Variants in CSMD2 observed in about 807,000 individuals in gnomAD.
CSMD2 encodes the protein CUB and sushi domain-containing protein 2.
Under a neutral mutation model 398.5 loss-of-function variants are expected in CSMD2, and 130 were observed. The observed-to-expected ratio is 0.33, with a 90% CI of 0.28 to 0.38. The LOEUF is 0.38. Among genes scored for constraint, CSMD2 ranks in the 10% least tolerant of loss-of-function variants. The probability of loss-of-function intolerance (pLI) is 1.00; values close to 1 mark genes in which losing one functional copy is unlikely to be tolerated. For missense variants in CSMD2, 3,829 were observed against 4,764.9 expected, an observed-to-expected ratio of 0.80 and a Z score of 5.78; for synonymous variants, 1,828 against 1,908.5, an observed-to-expected ratio of 0.96 and a Z score of 1.10.
At chr1:33,747,527 G>C (rs2149264614) in intron 13 of CSMD2, among the ~76,000 whole-genome samples, 1 of 152,224 alleles carries the variant, frequency 6.6e-6, no homozygotes. Flanking sequence ...ATTACCAAAG[G>C]GGAAAAAGCA....
At chr1:34,046,380 T>A (rs957120634) in intron 2 of CSMD2, among the ~76,000 whole-genome samples, 59 of 152,360 alleles carry the variant, frequency 3.9e-4, no homozygotes, top group East Asian at 5.8e-4. Context: ...TAAATACTTA[T>A]TCAGTTATTT....
intron 25 of CSMD2, among the ~76,000 whole-genome samples, chr1:33,666,325 A>G (rs1427200295): frequency 6.6e-6 from 1 of 152,168 alleles, no homozygotes; most frequent in Non-Finnish European, 1.5e-5. Flanking sequence ...TGATATCTTT[A>G]TGTTACTAAT....
At chr1:33,666,209 T>C (rs903209046) in intron 25 of CSMD2, among the ~76,000 whole-genome samples, 2 of 152,122 alleles carry the variant, frequency 1.3e-5, no homozygotes, top group African/African-American at 4.8e-5. Context: ...CTTACTAATT[T>C]CCCAAATTTA....
intron 2 of CSMD2, among the ~76,000 whole-genome samples, chr1:34,035,974 A>C (rs942814418): frequency 1.3e-5 from 2 of 152,230 alleles, no homozygotes; most frequent in Non-Finnish European, 2.9e-5. Context: ...ATATTACTAC[A>C]TACCCATTGG....
intron 6 of CSMD2, among the ~76,000 whole-genome samples, chr1:33,829,392 T>G (rs1473116308): frequency 6.6e-6 from 1 of 152,226 alleles, no homozygotes; most frequent in African/African-American, 2.4e-5. Flanking sequence ...CAAATGACTT[T>G]CCTTTTTTTA....
chr1:33,828,295 T>G (rs981022812), intron 6 of CSMD2, among the ~76,000 whole-genome samples: 1 of 152,220 alleles, frequency 6.6e-6, no homozygotes, highest in African/African-American at 2.4e-5. Flanking sequence ...GGCAGGGGGA[T>G]AGCCCTCTGA....
At chr1:33,994,337 A>G (rs1225935742) in intron 3 of CSMD2, among the ~76,000 whole-genome samples, 1 of 151,914 alleles carries the variant, frequency 6.6e-6, no homozygotes, top group Non-Finnish European at 1.5e-5. Context: ...TTGAGCTGGG[A>G]AGGCCTGTCT....
chr1:33,882,498 T>TA (rs1641304004), intron 5 of CSMD2, among the ~76,000 whole-genome samples: 1 of 152,232 alleles, frequency 6.6e-6, no homozygotes, highest in Admixed American at 6.5e-5. Context: ...TATTGACTGT[T>TA]AATCCTTTGT....
chr1:33,825,962 T>C lies in CSMD2; in HGVS notation c.1034-188A>G, dbSNP rs547433551. 2.6e-5 allele frequency among the ~76,000 whole-genome samples: 4 copies of C among 152,248 alleles called. No homozygotes were observed. The South Asian group carries it at 8.3e-4, about 32-fold the overall frequency. Reference sequence around the variant, plus strand: ...AGGACCTCAGACATGAAGGAAAAGTTACTATCAAGGCTAGCCCTCTGAGGG... The same window carrying C: ...AGGACCTCAGACATGAAGGAAAAGTCACTATCAAGGCTAGCCCTCTGAGGG... On this transcript the variant is annotated intron_variant, in intron 6 of 70. Coordinates refer to ENST00000373381, the MANE Select transcript of CSMD2 (RefSeq NM_001281956.2).
chr1:34,108,231 A>C (rs1293546157), intron 1 of CSMD2, among the ~76,000 whole-genome samples: 1 of 151,842 alleles, frequency 6.6e-6, no homozygotes, highest in Non-Finnish European at 1.5e-5. Context: ...TTGAAAATTA[A>C]TTTTAAAAAT....
At position 33,602,483 on chromosome 1, in the gene CSMD2, G is replaced by T. The variant is rs780546609; in HGVS notation, c.6596C>A (p.Pro2199Gln). 1 of 1,613,542 alleles carries T rather than the reference G, an allele frequency of 6.2e-7. No homozygotes were observed. The highest frequency in any genetic ancestry group is 1.7e-5 in the Admixed American group (1 of 59,962). Residue 2199 changes from proline to glutamine, a missense_variant, in exon 43 of 71, where the codon CCG (proline) becomes CAG (glutamine). Physicochemically the swap from Pro to Gln is moderately conservative, Grantham distance 76. Around this residue, in one of 5 missense-constraint regions of CSMD2, gnomAD observed 723 missense variants for 758.6 expected, o/e 0.95. Transcript: ENST00000373381. ...GACACAGTCCTGGGAGCTGGAGTAC[G>T]GGCTAGGGAACCCCGGGGAGTACAC... ...GTVYSPGFPS[P>Q]YSSSQDCVWL...
chr1:33,633,304 C>T lies in CSMD2; in HGVS notation c.5200+118G>A. The T allele has an allele frequency of 1.4e-6, 1 of 736,620 alleles. No individual in the cohort carries two copies. The highest frequency in any genetic ancestry group is 2.3e-6 in the Non-Finnish European group (1 of 428,762). The allele number at this position is 736,620 out of a possible 1,614,324, so 45.6% of individuals were successfully genotyped here. A position where few individuals can be genotyped will look rare whatever the true frequency, so the allele number is the denominator to read the frequency against. ...TAGACAAGCACCAGAACACGACAGG[C>T]ACGCAGAGCCGTAGGGTTCCACCTG... On this transcript the variant is annotated intron_variant, in intron 32 of 70. Transcript: ENST00000373381. The surrounding 1 kb of genome is among the most constrained non-coding windows in gnomAD (Gnocchi z 5.0).
chr1:33,919,881 A>G (rs1643881239), intron 4 of CSMD2, among the ~76,000 whole-genome samples: 3 of 152,252 alleles, frequency 2.0e-5, no homozygotes, highest in Non-Finnish European at 2.9e-5. Context: ...TGTGTCAGCC[A>G]CTGTTCTAGG....
At chr1:34,152,143 A>C (rs1282297582) in intron 1 of CSMD2, among the ~76,000 whole-genome samples, 1 of 151,986 alleles carries the variant, frequency 6.6e-6, no homozygotes, top group East Asian at 1.9e-4. Context: ...AAGCCACCAC[A>C]CTTGGCCTAT....
At chr1:33,700,703 G>A in intron 22 of CSMD2, 30 bp from the exon 23 acceptor site, 1 of 1,613,078 alleles carries the variant, frequency 6.2e-7, no homozygotes, top group South Asian at 1.1e-5. Flanking sequence ...CCAACCCAAT[G>A]TCGTCAGCAT....
chr1:33,583,861 G>A (rs765176904), intron 46 of CSMD2, 31 bp from the exon 47 acceptor site: 7 of 1,592,874 alleles, frequency 4.4e-6, no homozygotes, highest in Admixed American at 3.4e-5. Flanking sequence ...CACCAAGTAC[G>A]TGGGGGTGGA....
chr1:33,946,790 CTTT>C (rs34749287), intron 3 of CSMD2, among the ~76,000 whole-genome samples: 14 of 143,842 alleles, frequency 9.7e-5, no homozygotes, highest in African/African-American at 3.1e-4. Flanking sequence ...GTCCAGCTAA[CTTT>C]TTTTTTTTTT....
intron 3 of CSMD2, among the ~76,000 whole-genome samples, chr1:33,996,813 G>A (rs1222574049): frequency 2.0e-5 from 3 of 151,982 alleles, no homozygotes; most frequent in Non-Finnish European, 4.4e-5. Flanking sequence ...GAGGGAGGGA[G>A]AGGGGAAAGC....
intron 3 of CSMD2, among the ~76,000 whole-genome samples, chr1:33,994,289 G>A (rs55924602): frequency 6.6e-6 from 1 of 151,886 alleles, no homozygotes; most frequent in African/African-American, 2.4e-5. Flanking sequence ...GTGAGCGAGA[G>A]GAAGAAGGGA....
Sources: allele counts gnomAD v4.1 joint callset (sites outside exome capture counted in the v4.1 genomes callset), GRCh38; gene constraint gnomAD v4.1.1; regional missense constraint gnomAD v4.1.1; non-coding constraint Gnocchi (gnomAD v3.1); transcripts MANE v1.5; gene names NCBI Gene and HGNC (gene_info 2026-07-23, HGNC 2026-07-21).